Variants in SP3 observed in about 807,000 individuals in gnomAD.
SP3 encodes Sp3 transcription factor, also known as transcription factor Sp3.
In SP3, 10 loss-of-function variants were observed where a neutral mutation model predicts 70.3. That is an observed-to-expected ratio of 0.14 (90% CI 0.09 to 0.24). The LOEUF is 0.24. Ranked by LOEUF, SP3 falls within the 10% of genes least tolerant of loss-of-function variation. SP3 has a pLI of 1.00. For synonymous variants in SP3, 402 were observed against 333.5 expected, an observed-to-expected ratio of 1.21 and a Z score of -2.24; for missense variants, 825 against 914.6, an observed-to-expected ratio of 0.90 and a Z score of 1.26.
chr2:173,928,267 A>G (rs1266159201), intron 4 of SP3, among the ~76,000 whole-genome samples: 1 of 152,224 alleles, frequency 6.6e-6, no homozygotes, highest in African/African-American at 2.4e-5. Flanking sequence ...AGTACAGGAA[A>G]TTTCAAACTG....
rs1690850556 is a variant in SP3, at chr2:173,955,475, G to C, written c.1037C>G (p.Thr346Arg). Reference protein sequence around the residue: ...SSQLPVTIDSTGILQQNTNSL... With the variant: ...SSQLPVTIDSRGILQQNTNSL... The stretch of plus-strand genomic sequence containing the variant: ...ATTTGTGTTTTGTTGTAATATACCT[G>C]TACTATCTATCGTAACAGGCAACTG... Residue 346 changes from threonine to arginine, a missense_variant, in exon 4 of 7, where the codon ACA becomes AGA. Transcript: ENST00000310015. 1 of 1,614,034 alleles carries C rather than the reference G, an allele frequency of 6.2e-7. No homozygotes were observed. Among genetic ancestry groups the C allele is most frequent in the Non-Finnish European group, 8.5e-7 (1 of 1,180,006 alleles).
chr2:173,932,302 C>T (rs1255369579), intron 4 of SP3, among the ~76,000 whole-genome samples: 1 of 152,200 alleles, frequency 6.6e-6, no homozygotes, highest in Non-Finnish European at 1.5e-5. Context: ...AGCAATTGTT[C>T]TGCCTCAGCC....
At chr2:173,964,801 C>T in intron 1 of SP3, 1 of 463,662 alleles carries the variant, frequency 2.2e-6, no homozygotes, top group East Asian at 3.7e-5. Flanking sequence ...CCGCGCTGCC[C>T]CTGCCCCCTC....
intron 5 of SP3, among the ~76,000 whole-genome samples, chr2:173,917,312 A>G (rs1231950953): frequency 1.6e-5 from 2 of 125,252 alleles, no homozygotes; most frequent in Non-Finnish European, 3.7e-5. Flanking sequence ...ATGTCAAAAA[A>G]CAAAACTTTA....
chr2:173,923,445 T>C (rs1259974341), intron 4 of SP3, among the ~76,000 whole-genome samples: 2 of 152,114 alleles, frequency 1.3e-5, no homozygotes, highest in African/African-American at 4.8e-5. Flanking sequence ...ACTCAGGGCA[T>C]GCCTAGATTT....
intron 4 of SP3, among the ~76,000 whole-genome samples, chr2:173,921,994 G>A (rs1388093689): frequency 2.0e-5 from 3 of 152,060 alleles, no homozygotes; most frequent in African/African-American, 7.2e-5. Flanking sequence ...GCTTCTTGAG[G>A]CCTTCCCAGA....
chr2:173,960,770 AC>A lies in SP3; in HGVS notation c.279+2990del, dbSNP rs538823791. 2.9e-3 allele frequency among the ~76,000 whole-genome samples: 448 copies of A among 152,054 alleles called. 2 individuals are homozygous for A. Among genetic ancestry groups the A allele is most frequent in the Middle Eastern group, 0.01 (3 of 294 alleles). ...CAGATCATGAGGTCAGGAGATCGAG[AC>A]CATCCTGGCTAACACGGTGAAACCC... is the stretch of plus-strand genomic sequence containing the variant. On this transcript the variant is annotated intron_variant, in intron 3 of 6. Transcript: ENST00000310015.
At chr2:173,945,132 A>T (rs1433276280) in intron 4 of SP3, among the ~76,000 whole-genome samples, 1 of 152,254 alleles carries the variant, frequency 6.6e-6, no homozygotes, top group Non-Finnish European at 1.5e-5. Context: ...ATCCTTAAGG[A>T]TGGGTCTCAT....
chr2:173,964,859 G>T (rs1181339345), intron 1 of SP3: 5 of 483,576 alleles, frequency 1.0e-5, no homozygotes, highest in African/African-American at 6.2e-5. Flanking sequence ...ACTCGCGCTC[G>T]CTCCTCTCGC....
At position 173,959,595 on chromosome 2, in the gene SP3, C is replaced by T. The variant is rs1690998680; in HGVS notation, c.280-3363G>A. 3.3e-5 allele frequency among the ~76,000 whole-genome samples: 5 copies of T among 151,772 alleles called. No homozygotes were observed. The South Asian group carries it at 1.0e-3, about 32-fold the overall frequency. On this transcript the variant is annotated intron_variant, in intron 3 of 6. Transcript: ENST00000310015. ...ACAAAAATTAGCCGGGCATGGTGTACATCTGTAGTCCCAGCTACTCTGGGA... is the reference window on the plus strand; with the variant it reads ...ACAAAAATTAGCCGGGCATGGTGTATATCTGTAGTCCCAGCTACTCTGGGA...
At chr2:173,933,673 A>AT (rs1559098593) in intron 4 of SP3, among the ~76,000 whole-genome samples, 33 of 61,640 alleles carry the variant, frequency 5.4e-4, no homozygotes, top group African/African-American at 1.6e-3. Context: ...TATATATATA[A>AT]AAGTTATAAA....
chr2:173,951,657 C>T (rs1257263536), intron 4 of SP3, among the ~76,000 whole-genome samples: 1 of 152,182 alleles, frequency 6.6e-6, no homozygotes, highest in Non-Finnish European at 1.5e-5. Flanking sequence ...GCAAGAATAA[C>T]TTAATATCCT....
At chr2:173,943,362 G>A (rs1228196318) in intron 4 of SP3, among the ~76,000 whole-genome samples, 1 of 152,120 alleles carries the variant, frequency 6.6e-6, no homozygotes, top group East Asian at 1.9e-4. Flanking sequence ...AAATGTCAAT[G>A]TGACAGGCTC....
chr2:173,955,419 A>T lies in SP3; in HGVS notation c.1093T>A (p.Ser365Thr). The change falls in exon 4 of 7, where the codon TCT becomes ACT. Residue 365 changes from serine (S) to threonine (T), a missense_variant. Transcript: ENST00000310015. Reference sequence around the variant, plus strand: ...ATATAATTTCCCTGAAGATCTGAAGAATGAACCTGCCCACTAGATGTAGTC... The same window carrying T: ...ATATAATTTCCCTGAAGATCTGAAGTATGAACCTGCCCACTAGATGTAGTC... ...SLTTSSGQVH[S>T]SDLQGNYIQS... The T allele has an allele frequency of 6.2e-7, 1 of 1,614,116 alleles. No homozygotes were observed. The highest frequency in any genetic ancestry group is 8.5e-7 in the Non-Finnish European group (1 of 1,180,022).
At chr2:173,952,667 A>C (rs1179377319) in intron 4 of SP3, among the ~76,000 whole-genome samples, 1 of 151,722 alleles carries the variant, frequency 6.6e-6, no homozygotes, top group Non-Finnish European at 1.5e-5. Flanking sequence ...AATGTCCACC[A>C]GTAGATAAAT....
In SP3 at chr2:173,905,837, A is replaced by C. The variant is rs1689299503; in HGVS notation, c.*4104T>G. Among the ~76,000 whole-genome samples the C allele has an allele frequency of 6.6e-6, 1 of 152,142 alleles. No homozygotes were observed. Among genetic ancestry groups the C allele is most frequent in the Non-Finnish European group, 1.5e-5 (1 of 68,024 alleles). On this transcript the variant is annotated 3_prime_UTR_variant, in exon 7 of 7. Transcript: ENST00000310015. ...AATATAGTGAGACCCCATCTCTACA[A>C]AACAAATTAAAATTAACTGAGCATG... is the stretch of plus-strand genomic sequence containing the variant.
chr2:173,948,025 A>G (rs1157364310), intron 4 of SP3, among the ~76,000 whole-genome samples: 1 of 152,148 alleles, frequency 6.6e-6, no homozygotes, highest in Non-Finnish European at 1.5e-5. Context: ...ATACCTCAGG[A>G]TAACAAACAG....
chr2:173,919,505 T>A (rs1689691501), intron 4 of SP3, among the ~76,000 whole-genome samples: 1 of 152,208 alleles, frequency 6.6e-6, no homozygotes, highest in East Asian at 1.9e-4. Context: ...TGTATTAGTG[T>A]CCTACATGGT....
chr2:173,950,611 T>C (rs911626591), intron 4 of SP3, among the ~76,000 whole-genome samples: 8 of 149,374 alleles, frequency 5.4e-5, no homozygotes, highest in African/African-American at 9.9e-5. Flanking sequence ...CAATGCGTTA[T>C]AATCATGCCA....
Sources: allele counts gnomAD v4.1 joint callset (sites outside exome capture counted in the v4.1 genomes callset), GRCh38; gene constraint gnomAD v4.1.1; transcripts MANE v1.5; gene names NCBI Gene and HGNC (gene_info 2026-07-23, HGNC 2026-07-21).